Variants in NRXN1 observed in about 807,000 individuals in gnomAD.
The protein encoded by NRXN1 is neurexin 1, also known as neurexin-1.
NRXN1 carries 39 observed loss-of-function variants against 150.9 expected under a neutral mutation model. That is an observed-to-expected ratio of 0.26 (90% CI 0.20 to 0.34). The LOEUF (loss-of-function observed/expected upper bound fraction) is 0.34, where lower values mean the gene tolerates loss of function less well. Among genes scored for constraint, NRXN1 ranks in the 10% least tolerant of loss-of-function variants. NRXN1 has a pLI of 1.00. For synonymous variants in NRXN1, 924 were observed against 757.0 expected (o/e 1.22, Z -3.62); for missense variants, 1,815 against 1,949.9 (o/e 0.93, Z 1.30).
intron 21 of NRXN1, among the ~76,000 whole-genome samples, chr2:49,959,161 T>C (rs537434728): frequency 3.3e-5 from 5 of 152,264 alleles, no homozygotes; most frequent in Middle Eastern, 3.4e-3. Context: ...TGAAACAAGA[T>C]TCCACATTTC....
chr2:49,961,178 A>G (rs1246938778), intron 21 of NRXN1, among the ~76,000 whole-genome samples: 2 of 152,124 alleles, frequency 1.3e-5, no homozygotes, highest in Non-Finnish European at 2.9e-5. Context: ...ACATGGCCAC[A>G]GGAGACCCCA....
chr2:50,984,671 T>A (rs1224220767), intron 2 of NRXN1, among the ~76,000 whole-genome samples: 1 of 152,116 alleles, frequency 6.6e-6, no homozygotes, highest in African/African-American at 2.4e-5. Context: ...ACAGTCTGTA[T>A]TAAAAGTGAA....
At chr2:50,673,589 A>C (rs1480027810) in intron 5 of NRXN1, among the ~76,000 whole-genome samples, 2 of 152,130 alleles carry the variant, frequency 1.3e-5, no homozygotes, top group Non-Finnish European at 2.9e-5. Context: ...CAAGATTATT[A>C]GGATGCTTCA....
intron 5 of NRXN1, among the ~76,000 whole-genome samples, chr2:50,799,248 T>C (rs1392800640): frequency 6.6e-6 from 1 of 152,208 alleles, no homozygotes; most frequent in Admixed American, 6.5e-5. Context: ...TGAAGACATA[T>C]TAAGTTTCAC....
At chr2:50,034,407 TCA>T (rs995066754) in intron 21 of NRXN1, among the ~76,000 whole-genome samples, 24 of 151,862 alleles carry the variant, frequency 1.6e-4, no homozygotes, top group South Asian at 8.3e-4. Flanking sequence ...AAAACAAATA[TCA>T]CATGTTCTCA....
intron 18 of NRXN1, among the ~76,000 whole-genome samples, chr2:50,149,904 AT>A (rs2058597004): frequency 6.6e-6 from 1 of 151,750 alleles, no homozygotes; most frequent in Admixed American, 6.6e-5. Context: ...TAACCATGCC[AT>A]TTAACTCACT....
intron 5 of NRXN1, among the ~76,000 whole-genome samples, chr2:50,807,992 T>C (rs1667728602): frequency 6.6e-6 from 1 of 152,230 alleles, no homozygotes; most frequent in Admixed American, 6.5e-5. Context: ...AGTCCACATC[T>C]CTGAATTATC....
rs773305202 is a variant in NRXN1 at position 50,506,480 on chromosome 2, G to C, written c.2497+15C>G. ...GCGTTAGCATAGGAAAAGACAATGGGACAGAGGTGTTTACCTGTCATGGCC... is the reference window on the plus strand; with the variant it reads ...GCGTTAGCATAGGAAAAGACAATGGCACAGAGGTGTTTACCTGTCATGGCC... On this transcript the variant is annotated intron_variant, in intron 13 of 22. Coordinates refer to ENST00000401669, the MANE Select transcript of NRXN1 (RefSeq NM_001330078.2). 1.2e-6 allele frequency: 2 copies of C among 1,610,582 alleles called. No individual in the cohort carries two copies. Among genetic ancestry groups the C allele is most frequent in the Non-Finnish European group, 1.7e-6 (2 of 1,177,774 alleles).
intron 18 of NRXN1, among the ~76,000 whole-genome samples, chr2:50,099,281 A>T (rs1235806149): frequency 6.6e-6 from 1 of 152,142 alleles, no homozygotes; most frequent in Admixed American, 6.6e-5. Flanking sequence ...AGCCTGGTGT[A>T]TTCCTCATTG....
At chr2:50,824,299 T>TGA (rs982419050) in intron 5 of NRXN1, among the ~76,000 whole-genome samples, 5 of 98,896 alleles carry the variant, frequency 5.1e-5, no homozygotes, top group Non-Finnish European at 1.2e-4. Flanking sequence ...TCAAACCCTT[T>TGA]GAGTGTGTGT....
intron 5 of NRXN1, among the ~76,000 whole-genome samples, chr2:50,867,894 A>T (rs1005366720): frequency 9.9e-5 from 15 of 151,536 alleles, no homozygotes; most frequent in Admixed American, 2.0e-4. Context: ...CCAGGAAAAA[A>T]TTTTTTTCAC....
At chr2:50,960,069 G>T (rs552207399) in intron 2 of NRXN1, among the ~76,000 whole-genome samples, 2 of 151,750 alleles carry the variant, frequency 1.3e-5, no homozygotes, top group African/African-American at 4.8e-5. Flanking sequence ...GTTCTCAAAA[G>T]AATTTTTTTT....
chr2:49,943,738 G>A lies in NRXN1; in HGVS notation c.4182C>T (p.Asp1394=), dbSNP rs1307369322. 1 of 1,612,342 alleles carries A rather than the reference G, an allele frequency of 6.2e-7. No individual in the cohort carries two copies. The highest frequency in any genetic ancestry group is 8.5e-7 in the Non-Finnish European group (1 of 1,179,318). ...CTGAGCTCGGCTCACAGGGGTCAAT[G>A]TCCTCATCATCGCTGGGACACTCTG... ...ASAECPSDDE[D]IDPCEPSSGG... The change falls in exon 22 of 23, where the codon GAC becomes GAT. Residue 1394 remains aspartate (D), a synonymous_variant. Coordinates refer to ENST00000401669, the MANE Select transcript of NRXN1 (RefSeq NM_001330078.2).
chr2:50,138,863 T>A (rs1019937902), intron 18 of NRXN1, among the ~76,000 whole-genome samples: 6 of 152,206 alleles, frequency 3.9e-5, no homozygotes, highest in African/African-American at 1.4e-4. Flanking sequence ...AAGTGATACA[T>A]GTGTTTAATA....
intron 17 of NRXN1, among the ~76,000 whole-genome samples, chr2:50,296,497 T>C (rs887830303): frequency 7.2e-6 from 1 of 139,122 alleles, no homozygotes; most frequent in Non-Finnish European, 1.6e-5. Flanking sequence ...TGCATATCCA[T>C]GTGTACCCAT....
At chr2:50,290,640 C>G (rs946539165) in intron 17 of NRXN1, among the ~76,000 whole-genome samples, 6 of 152,154 alleles carry the variant, frequency 3.9e-5, no homozygotes, top group African/African-American at 1.4e-4. Flanking sequence ...GCCACTGGAA[C>G]CACACTCCCA....
At chr2:50,191,681 T>C (rs761525856) in intron 18 of NRXN1, among the ~76,000 whole-genome samples, 1 of 152,232 alleles carries the variant, frequency 6.6e-6, no homozygotes, top group Non-Finnish European at 1.5e-5. Flanking sequence ...GAATCATATT[T>C]ATGTAACTTC....
chr2:50,698,584 G>C (rs937315884), intron 5 of NRXN1, among the ~76,000 whole-genome samples: 2 of 152,112 alleles, frequency 1.3e-5, no homozygotes, highest in African/African-American at 4.8e-5. Flanking sequence ...ATTCTCAATA[G>C]AGTAAACACT....
intron 3 of NRXN1, among the ~76,000 whole-genome samples, chr2:50,924,657 T>G (rs890496992): frequency 6.6e-6 from 1 of 151,716 alleles, no homozygotes; most frequent in African/African-American, 2.4e-5. Flanking sequence ...GCAATTAAAA[T>G]TATAGTATAC....
Sources: gnomAD v4.1 joint callset for allele counts (sites outside exome capture counted in the v4.1 genomes callset) on GRCh38, gnomAD v4.1.1 for gene constraint, MANE v1.5 for transcripts, NCBI Gene and HGNC (gene_info 2026-07-23, HGNC 2026-07-21) for gene names.